Variants in NREP observed in about 807,000 individuals in gnomAD.
The protein encoded by NREP is neuronal regeneration related protein.
Under a neutral mutation model 8.6 loss-of-function variants are expected in NREP, and 5 were observed. The observed-to-expected ratio is 0.58, with a 90% CI of 0.30 to 1.22. NREP has a LOEUF of 1.22. NREP is among the 50% of genes most tolerant of loss of function. NREP has a pLI of 0.07. For synonymous variants in NREP, 27 were observed against 28.0 expected (o/e 0.96, Z 0.11); for missense variants, 86 against 82.5 (o/e 1.04, Z -0.17).
chr5:111,788,777 G>A (rs1439802762), intron 2 of NREP, among the ~76,000 whole-genome samples: 1 of 152,226 alleles, frequency 6.6e-6, no homozygotes, highest in Non-Finnish European at 1.5e-5. Context: ...AACATTTTGA[G>A]TGGTTTCTGT....
Position 111,753,531 on chromosome 5 carries a change from A to C in NREP, c.3+2239T>G, listed in dbSNP as rs187789602. On this transcript the variant is annotated intron_variant, in intron 2 of 3. Transcript: ENST00000257435. ...GTCACTGTTACGAATTCTGGAATCT[A>C]CTAAATAATTTCTTACACTAAAATG... is the stretch of plus-strand genomic sequence containing the variant. Among the ~76,000 whole-genome samples the C allele has an allele frequency of 2.6e-3, 396 of 152,110 alleles. 2 individuals carry two copies. Among genetic ancestry groups the C allele is most frequent in the African/African-American group, 9.3e-3 (385 of 41,544 alleles).
intron 2 of NREP, among the ~76,000 whole-genome samples, chr5:111,752,346 TTCCCAATTCTC>T (rs975404225): frequency 2.6e-5 from 4 of 152,258 alleles, no homozygotes; most frequent in African/African-American, 7.2e-5. Context: ...CCTCAAACGA[TTCCCAATTCTC>T]TCCCTCACTG....
intron 2 of NREP, among the ~76,000 whole-genome samples, chr5:111,828,275 C>T (rs191483098): frequency 3.3e-5 from 5 of 152,064 alleles, no homozygotes; most frequent in African/African-American, 4.8e-5. Context: ...AGTGATCCAC[C>T]GCCTCAGCAT....
intron 2 of NREP, among the ~76,000 whole-genome samples, chr5:111,824,882 A>C (rs1217771084): frequency 2.6e-5 from 4 of 152,238 alleles, no homozygotes; most frequent in Non-Finnish European, 4.4e-5. Flanking sequence ...TATGTGAAGC[A>C]AAACAGGAGT....
At chr5:111,880,938 C>A (rs535918996) in intron 2 of NREP, among the ~76,000 whole-genome samples, 13 of 152,084 alleles carry the variant, frequency 8.5e-5, no homozygotes, top group Admixed American at 8.5e-4. Context: ...TCTGAGGTAC[C>A]GGGTTCATCT....
At chr5:111,731,145 A>C in intron 3 of NREP, 99 bp from the exon 4 acceptor site, 2 of 1,315,488 alleles carry the variant, frequency 1.5e-6, no homozygotes, top group Non-Finnish European at 2.1e-6. Context: ...TTTCCTGCCC[A>C]GCCCACATTA....
At chr5:111,864,417 C>T (rs916585821) in intron 2 of NREP, among the ~76,000 whole-genome samples, 1 of 151,990 alleles carries the variant, frequency 6.6e-6, no homozygotes, top group Non-Finnish European at 1.5e-5. Context: ...CTAAAACATG[C>T]ATTTCTAATA....
At chr5:111,804,769 A>T (rs1752100621) in intron 2 of NREP, among the ~76,000 whole-genome samples, 1 of 152,114 alleles carries the variant, frequency 6.6e-6, no homozygotes, top group South Asian at 2.1e-4. Flanking sequence ...TGGAAGGCCG[A>T]GGCGGGCGGA....
chr5:111,878,251 C>G (rs1011042126), intron 2 of NREP, among the ~76,000 whole-genome samples: 1 of 152,146 alleles, frequency 6.6e-6, no homozygotes, highest in Non-Finnish European at 1.5e-5. Context: ...GCTATAACTG[C>G]CCAAGACTGG....
chr5:111,976,461 CT>C (rs1347559214), intron 1 of NREP, among the ~76,000 whole-genome samples: 2 of 152,230 alleles, frequency 1.3e-5, no homozygotes, highest in Non-Finnish European at 2.9e-5. Flanking sequence ...CCTCCTCTGA[CT>C]CATGTGGCAC....
chr5:111,815,058 C>T (rs1489153413), intron 2 of NREP, among the ~76,000 whole-genome samples: 1 of 151,680 alleles, frequency 6.6e-6, no homozygotes, highest in Admixed American at 6.6e-5. Flanking sequence ...AACAATGAGC[C>T]GACATTTTCC....
At chr5:111,846,352 T>C (rs1262721517) in intron 2 of NREP, 1 of 153,344 alleles carries the variant, frequency 6.5e-6, no homozygotes, top group African/African-American at 2.4e-5. Flanking sequence ...TTCTCTGTTT[T>C]CTGCAGGTAA....
chr5:111,754,914 A>C (rs1360356749), intron 2 of NREP, among the ~76,000 whole-genome samples: 1 of 152,220 alleles, frequency 6.6e-6, no homozygotes, highest in Non-Finnish European at 1.5e-5. Context: ...ACTAAAACTA[A>C]ATTTGGAAAT....
chr5:111,760,135 G>T (rs1444407892), upstream of NREP, among the ~76,000 whole-genome samples: 1 of 152,172 alleles, frequency 6.6e-6, no homozygotes, highest in Non-Finnish European at 1.5e-5. Flanking sequence ...TTTTTTGACG[G>T]GGTGAGGATG....
At chr5:111,965,264 T>C (rs1005395228) in intron 2 of NREP, among the ~76,000 whole-genome samples, 7 of 152,068 alleles carry the variant, frequency 4.6e-5, no homozygotes, top group African/African-American at 1.4e-4. Flanking sequence ...TTGCATCACA[T>C]ACCCTACCTA....
chr5:111,791,554 C>T (rs902181271), intron 2 of NREP, among the ~76,000 whole-genome samples: 7 of 152,206 alleles, frequency 4.6e-5, no homozygotes, highest in African/African-American at 1.4e-4. Flanking sequence ...TGTCAGCTCA[C>T]TGTGGCCTCA....
At chr5:111,812,466 C>T (rs537058235) in intron 2 of NREP, among the ~76,000 whole-genome samples, 18 of 151,610 alleles carry the variant, frequency 1.2e-4, no homozygotes, top group Non-Finnish European at 5.9e-5. Context: ...GTATTAATAG[C>T]TAAAAAAAGA....
At chr5:111,876,314 T>C (rs1581182070) in intron 2 of NREP, among the ~76,000 whole-genome samples, 1 of 152,190 alleles carries the variant, frequency 6.6e-6, no homozygotes, top group Non-Finnish European at 1.5e-5. Flanking sequence ...GAGGACTCTT[T>C]TGCCCTCACT....
intron 2 of NREP, among the ~76,000 whole-genome samples, chr5:111,804,999 T>TCAACAA (rs36062020): frequency 0.062 from 9,366 of 150,658 alleles, 958 homozygotes; most frequent in African/African-American, 0.21. Flanking sequence ...AGACTCCGTC[T>TCAACAA]CAACAACAAC....
Sources: allele counts gnomAD v4.1 joint callset (sites outside exome capture counted in the v4.1 genomes callset), GRCh38; gene constraint gnomAD v4.1.1; transcripts MANE v1.5; gene names NCBI Gene and HGNC (gene_info 2026-07-23, HGNC 2026-07-21).